Variants in RASSF8 observed in about 807,000 individuals in gnomAD.
RASSF8 encodes Ras association domain family member 8, also known as ras association domain-containing protein 8.
Under a neutral mutation model 48.5 loss-of-function variants are expected in RASSF8, and 22 were observed. The observed-to-expected ratio is 0.45, with a 90% CI of 0.32 to 0.65. RASSF8 has a LOEUF of 0.65. RASSF8 is among the 30% of genes least tolerant of loss of function. The pLI, the probability that RASSF8 is intolerant of heterozygous loss-of-function variation, is 0.03. For missense variants in RASSF8, 418 were observed against 489.2 expected (o/e 0.85, Z 1.37); for synonymous variants, 127 against 171.5 (o/e 0.74, Z 2.03).
rs570007966 is a variant in RASSF8 at position 26,063,906 on chromosome 12, T to C, written c.104-592T>C. Among the ~76,000 whole-genome samples, 37 of 152,248 alleles carry C rather than the reference T, an allele frequency of 2.4e-4. No homozygotes were observed. In the South Asian group the frequency reaches 7.5e-3, roughly 31 times the overall value. Reference sequence around the variant, plus strand: ...AGGAAGATGTCAGCTGTGTGAGCGATGGGTTGGTGGAGCACTCAGGTGGAG... The same window carrying C: ...AGGAAGATGTCAGCTGTGTGAGCGACGGGTTGGTGGAGCACTCAGGTGGAG... On this transcript the variant is annotated intron_variant, in intron 3 of 5. Transcript: ENST00000689635.
intron 2 of RASSF8, among the ~76,000 whole-genome samples, chr12:26,026,625 A>G (rs1942919548): frequency 6.6e-6 from 1 of 152,108 alleles, no homozygotes; most frequent in South Asian, 2.1e-4. Context: ...TAGTTGGGAC[A>G]GGGTTTCACC....
intron 1 of RASSF8, among the ~76,000 whole-genome samples, chr12:25,983,141 A>G (rs1274030310): frequency 6.6e-6 from 1 of 152,232 alleles, no homozygotes; most frequent in Non-Finnish European, 1.5e-5. Context: ...TAGGTGTGTA[A>G]TAATCTCAGA....
chr12:26,036,801 A>G (rs1166721284), intron 2 of RASSF8, among the ~76,000 whole-genome samples: 1 of 152,134 alleles, frequency 6.6e-6, no homozygotes, highest in African/African-American at 2.4e-5. Flanking sequence ...GCACACGCCC[A>G]GCTATTAGGG....
At chr12:25,992,681 T>G (rs1325384606) in intron 1 of RASSF8, among the ~76,000 whole-genome samples, 1 of 151,980 alleles carries the variant, frequency 6.6e-6, no homozygotes, top group African/African-American at 2.4e-5. Context: ...TGCTACATGG[T>G]GGCTTCAGGG....
downstream of RASSF8, among the ~76,000 whole-genome samples, chr12:26,074,278 A>G (rs536957764): frequency 1.0e-3 from 152 of 152,276 alleles, no homozygotes; most frequent in African/African-American, 3.4e-3. Flanking sequence ...TACTTTCTAC[A>G]GACATTTAGT....
At chr12:26,062,489 T>G (rs2137285906) in intron 3 of RASSF8, among the ~76,000 whole-genome samples, 1 of 152,334 alleles carries the variant, frequency 6.6e-6, no homozygotes, top group Non-Finnish European at 1.5e-5. Context: ...CCTTGTCAGA[T>G]AAGGCAATAC....
chr12:26,034,956 G>GT (rs991081831), intron 2 of RASSF8, among the ~76,000 whole-genome samples: 1 of 152,006 alleles, frequency 6.6e-6, no homozygotes, highest in Non-Finnish European at 1.5e-5. Flanking sequence ...ATAGCATTTG[G>GT]TTTTTAATTT....
chr12:26,038,146 A>G (rs1036401170), intron 2 of RASSF8, among the ~76,000 whole-genome samples: 9 of 152,146 alleles, frequency 5.9e-5, no homozygotes, highest in Non-Finnish European at 2.9e-5. Flanking sequence ...AACTAATGGC[A>G]CTGTGATAAA....
At chr12:25,997,885 CTT>C (rs1386639906) in intron 2 of RASSF8, among the ~76,000 whole-genome samples, 1 of 152,074 alleles carries the variant, frequency 6.6e-6, no homozygotes, top group African/African-American at 2.4e-5. Flanking sequence ...TGTTTCAGTG[CTT>C]TGAAACTTCC....
At chr12:25,962,414 T>C (rs1193983988) in intron 1 of RASSF8, among the ~76,000 whole-genome samples, 1 of 152,228 alleles carries the variant, frequency 6.6e-6, no homozygotes, top group African/African-American at 2.4e-5. Context: ...GTAATCACTT[T>C]TGCTTCTGAA....
downstream of RASSF8, among the ~76,000 whole-genome samples, chr12:26,076,124 A>G (rs1944069886): frequency 1.3e-5 from 2 of 151,976 alleles, no homozygotes. Context: ...GGGGGCATCT[A>G]TGATGCCCCC....
chr12:26,042,512 G>T (rs1943286644), intron 2 of RASSF8, among the ~76,000 whole-genome samples: 1 of 151,606 alleles, frequency 6.6e-6, no homozygotes, highest in Middle Eastern at 3.2e-3. Context: ...TTCCTGATGA[G>T]ATTCAGTCTA....
At chr12:25,978,078 C>G (rs573002669) in intron 1 of RASSF8, among the ~76,000 whole-genome samples, 2 of 152,324 alleles carry the variant, frequency 1.3e-5, no homozygotes, top group Admixed American at 6.5e-5. Flanking sequence ...TGAGCGAATG[C>G]ACTTTGATGG....
downstream of RASSF8, among the ~76,000 whole-genome samples, chr12:26,077,750 T>G (rs988026942): frequency 3.3e-5 from 5 of 152,194 alleles, no homozygotes; most frequent in South Asian, 8.3e-4. Flanking sequence ...CTGGTTTGGT[T>G]GGCTGGTTTT....
intron 1 of RASSF8, among the ~76,000 whole-genome samples, chr12:25,974,899 T>A (rs1314068856): frequency 1.3e-5 from 2 of 152,168 alleles, no homozygotes; most frequent in Non-Finnish European, 1.5e-5. Context: ...AGTGATTCAT[T>A]CATTCAATAT....
At chr12:25,991,353 A>T (rs1942009681) in intron 1 of RASSF8, among the ~76,000 whole-genome samples, 1 of 151,982 alleles carries the variant, frequency 6.6e-6, no homozygotes, top group Admixed American at 6.5e-5. Flanking sequence ...AAACTATTTA[A>T]TTTAAATAAA....
chr12:26,034,742 A>G (rs1175919103), intron 2 of RASSF8, among the ~76,000 whole-genome samples: 1 of 152,194 alleles, frequency 6.6e-6, no homozygotes, highest in East Asian at 1.9e-4. Flanking sequence ...GGGGAAATCA[A>G]ACAAGGGTGG....
chr12:26,058,367 A>G (rs1455284295), intron 3 of RASSF8, among the ~76,000 whole-genome samples: 1 of 152,214 alleles, frequency 6.6e-6, no homozygotes, highest in African/African-American at 2.4e-5. Flanking sequence ...AGAACTTCCA[A>G]GGCCTAACAC....
chr12:26,071,720 T>A lies in RASSF8; in HGVS notation c.*2902T>A, dbSNP rs1299061592. The A allele has an allele frequency of 3.1e-6, 3 of 983,406 alleles. No individual in the cohort carries two copies. Among genetic ancestry groups the A allele is most frequent in the Non-Finnish European group, 3.6e-6 (3 of 828,240 alleles). 60.9% of individuals were successfully genotyped at this position (983,406 alleles called of 1,614,324 possible). A position where few individuals can be genotyped will look rare whatever the true frequency, so the allele number is the denominator to read the frequency against. On this transcript the variant is annotated 3_prime_UTR_variant, in exon 6 of 6. Coordinates refer to ENST00000689635, the MANE Select transcript of RASSF8 (RefSeq NM_001394098.1). ...GGAGTTACCTATTTAATTCTCCCAG[T>A]CATCAATGAGGTAATCATCAATTCC... is the stretch of plus-strand genomic sequence containing the variant.
Sources: allele counts gnomAD v4.1 joint callset (sites outside exome capture counted in the v4.1 genomes callset), GRCh38; gene constraint gnomAD v4.1.1; transcripts MANE v1.5; gene names NCBI Gene and HGNC (gene_info 2026-07-23, HGNC 2026-07-21).